ITGAX: variants seen among roughly 807,000 people sequenced by gnomAD.
The protein encoded by ITGAX is integrin subunit alpha X, also known as integrin alpha-X.
In ITGAX, 99 loss-of-function variants were observed where a neutral mutation model predicts 140.2. The observed-to-expected ratio is 0.71, with a 90% CI of 0.60 to 0.83. ITGAX has a LOEUF of 0.83. ITGAX is among the 40% of genes least tolerant of loss of function. The pLI is 0.00. For missense variants in ITGAX, 1,444 were observed against 1,482.0 expected (o/e 0.97, Z 0.42); for synonymous variants, 631 against 600.4 (o/e 1.05, Z -0.75).
Position 31,373,284 on chromosome 16 carries a change from T to C in ITGAX, c.2402T>C (p.Leu801Pro). ...KSLLVGSNLE[L>P]NAEVMVWNDG... ...CTGCTGGTGGGGAGTAACCTGGAGC[T>C]GAACGCAGAAGTGATGGTGTGGAAT... Residue 801 changes from leucine (L) to proline (P), a missense_variant, in exon 20 of 30, where the codon CTG (leucine) becomes CCG (proline). Coordinates refer to ENST00000268296, the MANE Select transcript of ITGAX (RefSeq NM_000887.5). 1 of 1,613,758 alleles carries C rather than the reference T, an allele frequency of 6.2e-7. No homozygotes were observed. Among genetic ancestry groups the C allele is most frequent in the Non-Finnish European group, 8.5e-7 (1 of 1,179,908 alleles).
Position 31,381,804 on chromosome 16 carries a change from T to C in ITGAX, c.3389T>C (p.Val1130Ala), listed in dbSNP as rs778172479. ...TTTCTTCTTCGTCCTCCCCCCTAGG[T>C]TGGCTTCTTCAAGCGTCAGTACAAG... ...LALITAVLYK[V>A]GFFKRQYKEM... The change falls in exon 30 of 30, where the codon GTT (valine) becomes GCT (alanine). Residue 1130 changes from valine (V) to alanine (A), a missense_variant and splice_region_variant. By Grantham distance (64) the Val-to-Ala change is moderately conservative (BLOSUM62 0). Coordinates refer to ENST00000268296, the MANE Select transcript of ITGAX (RefSeq NM_000887.5). The C allele has an allele frequency of 1.3e-5, 11 of 872,230 alleles. No individual in the cohort carries two copies. The highest frequency in any genetic ancestry group is 4.9e-5 in the African/African-American group (3 of 61,206). 54.0% of individuals were successfully genotyped at this position (872,230 alleles called of 1,614,324 possible).
chr16:31,376,173 G>A (rs574358983), intron 20 of ITGAX, among the ~76,000 whole-genome samples: 2 of 152,108 alleles, frequency 1.3e-5, no homozygotes, highest in South Asian at 4.2e-4. Context: ...GGTTATATGG[G>A]GTTGATTTTC....
chr16:31,360,949 G>A, intron 8 of ITGAX, 114 bp from the exon 9 acceptor site: 2 of 1,010,292 alleles, frequency 2.0e-6, no homozygotes, highest in South Asian at 1.4e-5. Flanking sequence ...TTTCTCCTGT[G>A]TCCACCGGGT....
chr16:31,359,716 G>A lies in ITGAX; in HGVS notation c.447G>A (p.Glu149=). ...CTTCCCCAGAGTGCCCAAGACAGGA[G>A]CAGGACATTGTGTTCCTGATCGATG... is the stretch of plus-strand genomic sequence containing the variant. ...PVSRQECPRQ[E]QDIVFLIDGS... is the part of the protein sequence containing the mutation. The change falls in exon 6 of 30, where the codon GAG becomes GAA. Residue 149 remains glutamate, a synonymous_variant. Coordinates refer to ENST00000268296, the MANE Select transcript of ITGAX (RefSeq NM_000887.5). 6.2e-7 allele frequency: 1 copy of A among 1,614,162 alleles called. No homozygotes were observed. Among genetic ancestry groups the A allele is most frequent in the East Asian group, 2.2e-5 (1 of 44,884 alleles).
chr16:31,378,359 T>C (rs1003142750), intron 23 of ITGAX, among the ~76,000 whole-genome samples: 1 of 152,208 alleles, frequency 6.6e-6, no homozygotes, highest in Non-Finnish European at 1.5e-5. Flanking sequence ...GGGCAGGCCA[T>C]GGCCCCTGCT....
chr16:31,366,623 C>T (rs1361909034), intron 14 of ITGAX, among the ~76,000 whole-genome samples: 1 of 152,230 alleles, frequency 6.6e-6, no homozygotes, highest in Non-Finnish European at 1.5e-5. Flanking sequence ...TCAAGTGATT[C>T]TCCTGCCTCA....
chr16:31,369,362 G>A (rs561941829), intron 14 of ITGAX, among the ~76,000 whole-genome samples: 28 of 152,134 alleles, frequency 1.8e-4, no homozygotes, highest in Non-Finnish European at 4.0e-4. Context: ...CAGTAGGGGC[G>A]GCCGGGCAGA....
At chr16:31,356,112 G>A (rs1567293339) in intron 2 of ITGAX, 114 bp downstream of exon 2, 7 of 713,706 alleles carry the variant, frequency 9.8e-6, no homozygotes, top group Non-Finnish European at 1.4e-5. Context: ...CTGGTGTAGC[G>A]ACTGCCCTGG....
At chr16:31,361,976 G>C in intron 10 of ITGAX, 67 bp downstream of exon 10, 1 of 1,612,390 alleles carries the variant, frequency 6.2e-7, no homozygotes, top group East Asian at 2.2e-5. Flanking sequence ...GCCAGGGTGG[G>C]TGTCAGGTGG....
At position 31,355,985 on chromosome 16, in the gene ITGAX, T is replaced by C; in HGVS notation, c.130T>C (p.Tyr44His). The change falls in exon 2 of 30, where the codon TAT (tyrosine) becomes CAT (histidine). Residue 44 changes from tyrosine (Y) to histidine (H), a missense_variant. Physicochemically the swap from Tyr to His is moderately conservative, Grantham distance 83 (BLOSUM62 2). Coordinates refer to ENST00000268296, the MANE Select transcript of ITGAX (RefSeq NM_000887.5). ...SAGFGDSVVQ[Y>H]ANSWVVVGAP... ...TGGGTTTGGAGACAGCGTGGTCCAG[T>C]ATGCCAACTCCTGGTGAGGCCCAGG... is the stretch of plus-strand genomic sequence containing the variant. The C allele has an allele frequency of 1.2e-6, 2 of 1,612,282 alleles. No homozygotes were observed. Among genetic ancestry groups the C allele is most frequent in the Non-Finnish European group, 1.7e-6 (2 of 1,178,798 alleles).
chr16:31,373,450 G>A (rs1310090123), intron 20 of ITGAX, 60 bp downstream of exon 20: 42 of 1,523,292 alleles, frequency 2.8e-5, no homozygotes, highest in South Asian at 8.7e-5. Flanking sequence ...ATTCCCGTGC[G>A]GTTCAGAACC....
rs767068887 is a variant in ITGAX at position 31,373,409 on chromosome 16, G to A, written c.2508+19G>A. The stretch of plus-strand genomic sequence containing the variant: ...GGGCCAGGTGCACCCTCTGGGGAAG[G>A]AGGAGGAGGCAGGGCTGGGCGTTAG... On this transcript the variant is annotated intron_variant, in intron 20 of 29. Transcript: ENST00000268296. The A allele has an allele frequency of 6.2e-7, 1 of 1,604,168 alleles. No homozygotes were observed. The highest frequency in any genetic ancestry group is 1.1e-5 in the South Asian group (1 of 90,238).
At chr16:31,379,914 A>G (rs2081052722) in intron 25 of ITGAX, 50 bp downstream of exon 25, 1 of 1,608,966 alleles carries the variant, frequency 6.2e-7, no homozygotes, top group Non-Finnish European at 8.5e-7. Flanking sequence ...TTCTACCTGG[A>G]TTCCTTGTGC....
chr16:31,373,646 T>G (rs1489907584), intron 20 of ITGAX, among the ~76,000 whole-genome samples: 1 of 152,254 alleles, frequency 6.6e-6, no homozygotes, highest in Non-Finnish European at 1.5e-5. Context: ...AGTATTCCTC[T>G]TTTAAATGAA....
At position 31,380,312 on chromosome 16, in the gene ITGAX, C is replaced by T. The variant is rs201868319; in HGVS notation, c.3107C>T (p.Ser1036Phe). Residue 1036 changes from serine to phenylalanine, a missense_variant, in exon 27 of 30, where the codon TCC becomes TTC. Ser to Phe is a radical substitution (Grantham distance 155, BLOSUM62 -2). Coordinates refer to ENST00000268296, the MANE Select transcript of ITGAX (RefSeq NM_000887.5). ...CTGCGGTTCCGCTGTGACGTCCCCT[C>T]CTTCAGCGTCCAGGAGGAGCTGGAT... Reference protein sequence around the residue: ...GCLRFRCDVPSFSVQEELDFT... With the variant: ...GCLRFRCDVPFFSVQEELDFT... 1.0e-4 allele frequency: 162 copies of T among 1,614,246 alleles called. No individual in the cohort carries two copies. The highest frequency in any genetic ancestry group is 1.2e-4 in the Non-Finnish European group (139 of 1,180,042).
At chr16:31,380,102 C>T in intron 26 of ITGAX, 37 bp downstream of exon 26, 1 of 1,591,496 alleles carries the variant, frequency 6.3e-7, no homozygotes, top group Non-Finnish European at 8.6e-7. Flanking sequence ...ACTGTAGGCC[C>T]CACATCAGAG....
Position 31,380,973 on chromosome 16 carries a change from T to C in ITGAX, c.3353T>C (p.Leu1118Ser). The stretch of plus-strand genomic sequence containing the variant: ...GTAGGCAGCTCCATTGGGGGTCTGT[T>C]GCTGCTGGCACTCATCACAGCGGTA... ...LIVGSSIGGL[L>S]LLALITAVLY... Residue 1118 changes from leucine (L) to serine (S), a missense_variant, in exon 29 of 30, where the codon TTG (leucine) becomes TCG (serine). Transcript: ENST00000268296. 1 of 1,614,140 alleles carries C rather than the reference T, an allele frequency of 6.2e-7. No homozygotes were observed. The highest frequency in any genetic ancestry group is 8.5e-7 in the Non-Finnish European group (1 of 1,179,998).
chr16:31,369,081 A>G (rs1597074058), intron 14 of ITGAX, among the ~76,000 whole-genome samples: 1 of 151,938 alleles, frequency 6.6e-6, no homozygotes, highest in African/African-American at 2.4e-5. Context: ...ATTCCACAAA[A>G]CCGCCATTGT....
chr16:31,367,969 G>A (rs2080908439), intron 14 of ITGAX, among the ~76,000 whole-genome samples: 1 of 152,102 alleles, frequency 6.6e-6, no homozygotes, highest in Admixed American at 6.6e-5. Context: ...CACGAGTTCG[G>A]GAGAAGCTGA....
Sources: gnomAD v4.1 joint callset for allele counts (sites outside exome capture counted in the v4.1 genomes callset) on GRCh38, gnomAD v4.1.1 for gene constraint, MANE v1.5 for transcripts, NCBI Gene and HGNC (gene_info 2026-07-23, HGNC 2026-07-21) for gene names.